The following NEMP2 variants were observed in gnomAD, a reference collection of about 807,000 sequenced individuals.
NEMP2 encodes nuclear envelope integral membrane protein 2.
A neutral mutation model predicts 54.2 loss-of-function variants in NEMP2; 53 were observed. The ratio of observed to expected loss-of-function variants is 0.98; its 90% CI spans 0.78 to 1.23. NEMP2 has a LOEUF of 1.23. NEMP2 is among the 50% of genes most tolerant of loss of function. The pLI, the probability that NEMP2 is intolerant of heterozygous loss-of-function variation, is 0.00. For synonymous variants in NEMP2, 197 were observed against 190.3 expected, an observed-to-expected ratio of 1.04 and a Z score of -0.29; for missense variants, 455 against 511.3, an observed-to-expected ratio of 0.89 and a Z score of 1.06.
chr2:190,422,303 C>T, the NEMP2 span, among the ~76,000 whole-genome samples: 2 of 152,134 alleles, frequency 1.3e-5, no homozygotes, highest in Non-Finnish European at 2.9e-5. Flanking sequence ...ACTGGTTGCC[C>T]TTCAAAGTTG....
At chr2:190,475,805 C>T in the NEMP2 span, among the ~76,000 whole-genome samples, 2 of 152,158 alleles carry the variant, frequency 1.3e-5, no homozygotes, top group African/African-American at 4.8e-5. Flanking sequence ...TACCTGACTT[C>T]AAACTATACT....
At chr2:190,639,647 T>TG in the NEMP2 span, among the ~76,000 whole-genome samples, 1 of 146,732 alleles carries the variant, frequency 6.8e-6, no homozygotes, top group South Asian at 2.3e-4. Context: ...TTTTTTTTTT[T>TG]TGTTTTTTGT....
chr2:190,568,883 A>ATAAC, the NEMP2 span, among the ~76,000 whole-genome samples: 149 of 152,312 alleles, frequency 9.8e-4, 2 homozygotes, highest in African/African-American at 3.4e-3. The surrounding 1 kb of genome is among the most constrained non-coding windows in gnomAD (Gnocchi z 4.7). Context: ...ACACTGTAAT[A>ATAAC]TAACTATATT....
At position 190,533,981 on chromosome 2, in the gene NEMP2, A is replaced by C. The variant is rs1179910064; in HGVS notation, c.97+578T>G. 2 of 985,216 alleles carry C rather than the reference A, an allele frequency of 2.0e-6. No individual in the cohort carries two copies. The highest frequency in any genetic ancestry group is 1.7e-5 in the African/African-American group (1 of 57,178). The allele number at this position is 985,216 out of a possible 1,614,324, so 61.0% of individuals were successfully genotyped here. ...TGTGTGCCAGGCATTGTGCACACGA[A>C]CACCACAAGAACCTTGTGAGGCCTC... On this transcript the variant is annotated intron_variant, in intron 1 of 8. Transcript: ENST00000409150. The surrounding 1 kb of genome is among the most constrained non-coding windows in gnomAD (Gnocchi z 4.3).
the NEMP2 span, chr2:190,624,807 T>C: frequency 2.0e-5 from 3 of 152,242 alleles, no homozygotes; most frequent in East Asian, 1.9e-4. Flanking sequence ...CTGGGAATAG[T>C]AGGGGTGAAG....
Position 190,525,194 on chromosome 2 carries a change from G to A in NEMP2, c.213+69C>T. On this transcript the variant is annotated intron_variant, in intron 2 of 8. Coordinates refer to ENST00000409150, the MANE Select transcript of NEMP2 (RefSeq NM_001142645.2). The surrounding 1 kb of genome is among the most constrained non-coding windows in gnomAD (Gnocchi z 5.0). ...AAAAATACTTTCTATTCCTGAAGTGGTACATTTCCTGTCCCCAGGACATGG... is the reference window on the plus strand; with the variant it reads ...AAAAATACTTTCTATTCCTGAAGTGATACATTTCCTGTCCCCAGGACATGG... 2 of 832,464 alleles carry A rather than the reference G, an allele frequency of 2.4e-6. No homozygotes were observed. The highest frequency in any genetic ancestry group is 3.9e-6 in the Non-Finnish European group (2 of 517,376). 51.6% of individuals were successfully genotyped at this position (832,464 alleles called of 1,614,324 possible).
the NEMP2 span, among the ~76,000 whole-genome samples, chr2:190,586,019 T>C: frequency 6.6e-6 from 1 of 152,194 alleles, no homozygotes; most frequent in East Asian, 1.9e-4. This position sits in a 1 kb window ranked among gnomAD's most constrained non-coding sequence, Gnocchi z 4.5. Context: ...GTTGGAAACT[T>C]TTCTATCCCT....
chr2:190,533,365 G>A lies in NEMP2; in HGVS notation c.97+1194C>T, dbSNP rs1161248313. On this transcript the variant is annotated intron_variant, in intron 1 of 8. Coordinates refer to ENST00000409150, the MANE Select transcript of NEMP2 (RefSeq NM_001142645.2). This position sits in a 1 kb window ranked among gnomAD's most constrained non-coding sequence, Gnocchi z 4.3. ...TTGTATTTCTTACTACCAAACCTTCGTTTTCTCATCTGTAAAATGGGTATA... is the reference window on the plus strand; with the variant it reads ...TTGTATTTCTTACTACCAAACCTTCATTTTCTCATCTGTAAAATGGGTATA... Among the ~76,000 whole-genome samples the A allele has an allele frequency of 6.6e-6, 1 of 152,106 alleles. No individual in the cohort carries two copies. The highest frequency in any genetic ancestry group is 1.5e-5 in the Non-Finnish European group (1 of 68,018).
the NEMP2 span, among the ~76,000 whole-genome samples, chr2:190,598,571 T>G: frequency 3.9e-5 from 6 of 152,230 alleles, no homozygotes; most frequent in Non-Finnish European, 7.3e-5. Flanking sequence ...GTGTTTTGCT[T>G]TCATCCCCAA....
the NEMP2 span, among the ~76,000 whole-genome samples, chr2:190,430,669 A>G: frequency 6.6e-6 from 1 of 151,596 alleles, no homozygotes; most frequent in African/African-American, 2.4e-5. Context: ...CCCCTTTTCT[A>G]TTCCACAAAA....
At chr2:190,647,757 C>T in the NEMP2 span, among the ~76,000 whole-genome samples, 2 of 138,292 alleles carry the variant, frequency 1.4e-5, no homozygotes, top group Admixed American at 1.6e-4. Context: ...TCTTGTTGCC[C>T]AAGCTGGAGT....
chr2:190,514,550 C>T lies in NEMP2; in HGVS notation c.856G>A (p.Gly286Ser). Reference sequence around the variant, plus strand: ...TAGGCAAACTGAGGCACGGCCACACCAGCATAGACCAGAACCAGGGAGAGG... The same window carrying T: ...TAGGCAAACTGAGGCACGGCCACACTAGCATAGACCAGAACCAGGGAGAGG... ...RLLSLVLVYAGVAVPQFAYAA... is the reference protein window; with the variant it reads ...RLLSLVLVYASVAVPQFAYAA... The change falls in exon 7 of 9, where the codon GGT (glycine) becomes AGT (serine). Residue 286 changes from glycine to serine, a missense_variant. This residue lies in a region of NEMP2 where 294 missense variants were observed against 333.6 expected (regional missense o/e 0.88). Transcript: ENST00000409150. This position sits in a 1 kb window ranked among gnomAD's most constrained non-coding sequence, Gnocchi z 5.7. 6.4e-7 allele frequency: 1 copy of T among 1,551,738 alleles called. No homozygotes were observed. Among genetic ancestry groups the T allele is most frequent in the Non-Finnish European group, 8.7e-7 (1 of 1,146,990 alleles).
At chr2:190,534,489 C>T in intron 1 of NEMP2, 70 bp downstream of exon 1, 4 of 1,305,402 alleles carry the variant, frequency 3.1e-6, no homozygotes, top group Non-Finnish European at 3.9e-6. Flanking sequence ...AAAGAGCGCG[C>T]CCTCAGGGCA....
At position 190,519,233 on chromosome 2, in the gene NEMP2, T is replaced by C; in HGVS notation, c.214-50A>G. ...CATAAACAGAATAACTTCTCTTTTT[T>C]GTTTTGGAGACAGGGTCTCCCTCTG... is the stretch of plus-strand genomic sequence containing the variant. On this transcript the variant is annotated intron_variant, in intron 2 of 8. Transcript: ENST00000409150. This position sits in a 1 kb window ranked among gnomAD's most constrained non-coding sequence, Gnocchi z 5.4. 7.5e-7 allele frequency: 1 copy of C among 1,327,664 alleles called. No individual in the cohort carries two copies. Among genetic ancestry groups the C allele is most frequent in the Non-Finnish European group, 1.0e-6 (1 of 964,210 alleles). The allele number at this position is 1,327,664 out of a possible 1,614,324, so 82.2% of individuals were successfully genotyped here.
the NEMP2 span, among the ~76,000 whole-genome samples, chr2:190,617,303 G>T: frequency 6.6e-6 from 1 of 151,076 alleles, no homozygotes; most frequent in African/African-American, 2.4e-5. The surrounding 1 kb of genome is among the most constrained non-coding windows in gnomAD (Gnocchi z 5.0). Flanking sequence ...CTGAAGTCAA[G>T]GTCTATTTGA....
chr2:190,533,645 C>T lies in NEMP2; in HGVS notation c.97+914G>A, dbSNP rs1396490433. Among the ~76,000 whole-genome samples, 1 of 152,096 alleles carries T rather than the reference C, an allele frequency of 6.6e-6. No homozygotes were observed. The highest frequency in any genetic ancestry group is 1.9e-4 in the East Asian group (1 of 5,186). On this transcript the variant is annotated intron_variant, in intron 1 of 8. Coordinates refer to ENST00000409150, the MANE Select transcript of NEMP2 (RefSeq NM_001142645.2). This position sits in a 1 kb window ranked among gnomAD's most constrained non-coding sequence, Gnocchi z 4.3. ...CTTAGATAAAAAACCGCGGTATAACCGGAGGGAGGGCCATGCCCAGCTAAA... is the reference window on the plus strand; with the variant it reads ...CTTAGATAAAAAACCGCGGTATAACTGGAGGGAGGGCCATGCCCAGCTAAA...
the NEMP2 span, chr2:190,453,962 A>G: frequency 1.3e-5 from 2 of 152,200 alleles, no homozygotes; most frequent in East Asian, 1.9e-4. Context: ...TAACTGGAAT[A>G]TATTTCACAG....
chr2:190,575,239 T>A, the NEMP2 span, among the ~76,000 whole-genome samples: 4 of 152,124 alleles, frequency 2.6e-5, no homozygotes, highest in Admixed American at 2.6e-4. Context: ...CCCACTGCAG[T>A]CCCACTCCTA....
At chr2:190,543,240 G>A in the NEMP2 span, among the ~76,000 whole-genome samples, 3 of 152,124 alleles carry the variant, frequency 2.0e-5, no homozygotes, top group African/African-American at 7.2e-5. The surrounding 1 kb of genome is among the most constrained non-coding windows in gnomAD (Gnocchi z 4.7). Context: ...TTGTGCCCAG[G>A]GTACCTGTGG....
Sources: gnomAD v4.1 joint callset for allele counts (sites outside exome capture counted in the v4.1 genomes callset) on GRCh38, gnomAD v4.1.1 for gene constraint, gnomAD v4.1.1 regional missense constraint, Gnocchi (gnomAD v3.1) non-coding constraint, MANE v1.5 for transcripts, NCBI Gene and HGNC (gene_info 2026-07-23, HGNC 2026-07-21) for gene names.